CEP128: variants seen among roughly 807,000 people sequenced by gnomAD.
CEP128 encodes the protein centrosomal protein 128.
In CEP128, 132 loss-of-function variants were observed where a neutral mutation model predicts 156.7. The ratio of observed to expected loss-of-function variants is 0.84; its 90% confidence interval spans 0.73 to 0.97. CEP128 has a LOEUF of 0.97. Ranked by LOEUF, CEP128 falls within the 50% of genes least tolerant of loss-of-function variation. The pLI is 0.00. For missense variants in CEP128, 1,252 were observed against 1,281.9 expected (o/e 0.98, Z 0.36); for synonymous variants, 469 against 448.9 (o/e 1.04, Z -0.57).
chr14:80,633,228 G>GAAACAAAC (rs58759716), intron 19 of CEP128, among the ~76,000 whole-genome samples: 3,581 of 150,540 alleles, frequency 0.024, 66 homozygotes, highest in Middle Eastern at 0.045. Flanking sequence ...ACCCTGCCTA[G>GAAACAAAC]AAACAAACAA....
chr14:80,647,510 T>G (rs1894715603), intron 19 of CEP128, among the ~76,000 whole-genome samples: 1 of 152,112 alleles, frequency 6.6e-6, no homozygotes, highest in African/African-American at 2.4e-5. Flanking sequence ...TAAAATAGAC[T>G]CTATATTGAC....
chr14:80,828,796 C>T (rs1018371286), intron 13 of CEP128, among the ~76,000 whole-genome samples: 3 of 152,122 alleles, frequency 2.0e-5, no homozygotes, highest in Non-Finnish European at 4.4e-5. Context: ...ATCATAAGAA[C>T]TGTTACTATA....
intron 18 of CEP128, among the ~76,000 whole-genome samples, chr14:80,743,623 C>T (rs1326254286): frequency 6.6e-6 from 1 of 152,112 alleles, no homozygotes; most frequent in Non-Finnish European, 1.5e-5. Flanking sequence ...AATAGAACTA[C>T]AGACTTTTTA....
intron 16 of CEP128, among the ~76,000 whole-genome samples, chr14:80,768,641 A>G (rs183296699): frequency 2.2e-3 from 341 of 152,332 alleles, no homozygotes; most frequent in African/African-American, 7.5e-3. Flanking sequence ...ACGGGATGGC[A>G]TATCAAAACA....
chr14:80,890,302 T>A (rs1353964262), intron 8 of CEP128, among the ~76,000 whole-genome samples: 1 of 152,174 alleles, frequency 6.6e-6, no homozygotes, highest in Non-Finnish European at 1.5e-5. Context: ...TTATAAATCA[T>A]TCTACTATAA....
chr14:80,804,028 C>CTT (rs1178433845), intron 13 of CEP128, among the ~76,000 whole-genome samples: 4 of 151,836 alleles, frequency 2.6e-5, no homozygotes, highest in Admixed American at 1.3e-4. Flanking sequence ...ATAAAACAAA[C>CTT]TTTTTAGTAT....
At chr14:80,539,632 A>C (rs1164062623) in intron 21 of CEP128, among the ~76,000 whole-genome samples, 1 of 152,168 alleles carries the variant, frequency 6.6e-6, no homozygotes, top group Non-Finnish European at 1.5e-5. Flanking sequence ...GTGCACCTTG[A>C]AAAAGAACAG....
chr14:80,678,040 TAAAAA>T (rs754768782), intron 19 of CEP128, among the ~76,000 whole-genome samples: 12 of 32,526 alleles, frequency 3.7e-4, no homozygotes, highest in African/African-American at 1.1e-3. Context: ...AGTTGCTCTA[TAAAAA>T]AAAAATATAT....
intron 21 of CEP128, 135 bp downstream of exon 21, chr14:80,559,144 T>C (rs1019087898): frequency 1.0e-5 from 8 of 772,532 alleles, no homozygotes; most frequent in Non-Finnish European, 1.7e-5. Context: ...ACAGTTTAGC[T>C]TGTTTTCCCC....
intron 19 of CEP128, among the ~76,000 whole-genome samples, chr14:80,701,962 T>C (rs1897090715): frequency 6.6e-6 from 1 of 152,198 alleles, no homozygotes; most frequent in Non-Finnish European, 1.5e-5. Context: ...GGTGCTCACA[T>C]TCTTTCATTC....
intron 18 of CEP128, among the ~76,000 whole-genome samples, chr14:80,746,967 A>C (rs1899133494): frequency 6.6e-6 from 1 of 152,246 alleles, no homozygotes; most frequent in Non-Finnish European, 1.5e-5. Flanking sequence ...ATAGCCAATA[A>C]GCACATGAAA....
chr14:80,541,165 A>G (rs1463191001), intron 21 of CEP128, among the ~76,000 whole-genome samples: 1 of 152,196 alleles, frequency 6.6e-6, no homozygotes, highest in African/African-American at 2.4e-5. Context: ...TTTCTAAGTC[A>G]GGAAAATGGG....
intron 17 of CEP128, among the ~76,000 whole-genome samples, chr14:80,760,469 G>A (rs138615234): frequency 7.0e-4 from 106 of 152,132 alleles, no homozygotes; most frequent in Middle Eastern, 3.4e-3. Flanking sequence ...GGGGAACATA[G>A]TAGTATGAGA....
chr14:80,680,042 T>A (rs1381601263), intron 19 of CEP128, among the ~76,000 whole-genome samples: 1 of 152,144 alleles, frequency 6.6e-6, no homozygotes, highest in Non-Finnish European at 1.5e-5. Context: ...GCGCATGCAT[T>A]TTAGTCTTGA....
chr14:80,894,487 A>G (rs1055348950), intron 8 of CEP128: 30 of 392,544 alleles, frequency 7.6e-5, no homozygotes, highest in African/African-American at 5.5e-4. Flanking sequence ...TAGATATTTT[A>G]GACTGGTACA....
chr14:80,927,112 T>C (rs992426746), intron 2 of CEP128, among the ~76,000 whole-genome samples: 2 of 152,110 alleles, frequency 1.3e-5, no homozygotes, highest in Admixed American at 1.3e-4. Context: ...AGCAGCAAGA[T>C]TCACAGTGGT....
chr14:80,596,813 C>T (rs1892339511), intron 19 of CEP128, among the ~76,000 whole-genome samples: 1 of 18,798 alleles, frequency 5.3e-5, no homozygotes, highest in East Asian at 1.8e-3. Context: ...CAGTGAGACA[C>T]TGTCACAAAA....
intron 20 of CEP128, among the ~76,000 whole-genome samples, chr14:80,566,404 T>TA (rs1890910075): frequency 6.6e-6 from 1 of 152,194 alleles, no homozygotes; most frequent in African/African-American, 2.4e-5. Context: ...TGAATACATT[T>TA]AAAATAGTAT....
intron 18 of CEP128, among the ~76,000 whole-genome samples, chr14:80,751,248 A>G (rs1899376334): frequency 6.6e-6 from 1 of 152,214 alleles, no homozygotes; most frequent in Admixed American, 6.5e-5. Context: ...TCCATTGTCA[A>G]ACAAAATTTA....
Sources: gnomAD v4.1 joint callset for allele counts (sites outside exome capture counted in the v4.1 genomes callset) on GRCh38, gnomAD v4.1.1 for gene constraint, MANE v1.5 for transcripts, NCBI Gene and HGNC (gene_info 2026-07-23, HGNC 2026-07-21) for gene names.